The following PLPPR4 variants were observed in gnomAD, a reference collection of about 807,000 sequenced individuals.
PLPPR4 encodes phospholipid phosphatase-related protein type 4.
In PLPPR4, 24 loss-of-function variants were observed where a neutral mutation model predicts 56.6. The observed-to-expected ratio is 0.42, with a 90% CI of 0.31 to 0.60. PLPPR4 has a LOEUF of 0.60. Among genes scored for constraint, PLPPR4 ranks in the 20% least tolerant of loss-of-function variants. PLPPR4 has a pLI of 0.13. For synonymous variants in PLPPR4, 326 were observed against 328.1 expected (o/e 0.99, Z 0.07); for missense variants, 654 against 885.8 (o/e 0.74, Z 3.32).
At chr1:99,282,984 A>T (rs1014510259) in intron 1 of PLPPR4, among the ~76,000 whole-genome samples, 2 of 147,752 alleles carry the variant, frequency 1.4e-5, no homozygotes, top group African/African-American at 4.9e-5. Context: ...TATATAGTTA[A>T]TATATAATAT....
intron 2 of PLPPR4, among the ~76,000 whole-genome samples, chr1:99,296,013 C>T (rs1659732005): frequency 6.6e-6 from 1 of 152,136 alleles, no homozygotes; most frequent in East Asian, 1.9e-4. Context: ...TACTGAGTTC[C>T]TTCATTGATC....
intron 1 of PLPPR4, among the ~76,000 whole-genome samples, chr1:99,265,896 T>C (rs975641176): frequency 6.6e-6 from 1 of 152,154 alleles, no homozygotes; most frequent in African/African-American, 2.4e-5. Flanking sequence ...AATTTCAGTT[T>C]CAAGAAAGAT....
At chr1:99,273,496 G>A (rs712894) in intron 1 of PLPPR4, among the ~76,000 whole-genome samples, 40,621 of 151,914 alleles carry the variant, frequency 0.27, 5,712 homozygotes, top group East Asian at 0.39. Context: ...TTGCTTAGAG[G>A]TAAACTGCCA....
intron 3 of PLPPR4, among the ~76,000 whole-genome samples, chr1:99,298,523 T>C (rs963345400): frequency 6.6e-6 from 1 of 152,160 alleles, no homozygotes; most frequent in African/African-American, 2.4e-5. Flanking sequence ...ATTTCCACGT[T>C]AGGGCCTGTC....
chr1:99,266,912 C>T (rs1393611346), intron 1 of PLPPR4, among the ~76,000 whole-genome samples: 1 of 152,196 alleles, frequency 6.6e-6, no homozygotes, highest in Non-Finnish European at 1.5e-5. Context: ...ATTTACATCT[C>T]CTTCGTAGGA....
chr1:99,280,752 C>A (rs1348782132), intron 1 of PLPPR4, among the ~76,000 whole-genome samples: 2 of 151,986 alleles, frequency 1.3e-5, no homozygotes, highest in Non-Finnish European at 2.9e-5. Context: ...AAATGTGGAA[C>A]CATAATGTGA....
chr1:99,277,339 T>C (rs997709273), intron 1 of PLPPR4, among the ~76,000 whole-genome samples: 1 of 152,204 alleles, frequency 6.6e-6, no homozygotes, highest in Non-Finnish European at 1.5e-5. Flanking sequence ...ACAGTTGCTT[T>C]GGCACCAATT....
At chr1:99,272,317 C>T (rs1245412408) in intron 1 of PLPPR4, among the ~76,000 whole-genome samples, 2 of 151,970 alleles carry the variant, frequency 1.3e-5, no homozygotes, top group East Asian at 1.9e-4. Context: ...AGTATGCCAG[C>T]GTTACCTAAG....
chr1:99,293,793 A>G (rs1659677709), intron 2 of PLPPR4, among the ~76,000 whole-genome samples: 1 of 152,176 alleles, frequency 6.6e-6, no homozygotes, highest in Non-Finnish European at 1.5e-5. Flanking sequence ...GTTTTACAAG[A>G]AAGACTTTTT....
chr1:99,294,782 T>C (rs886551780), intron 2 of PLPPR4, among the ~76,000 whole-genome samples: 1 of 152,172 alleles, frequency 6.6e-6, no homozygotes, highest in African/African-American at 2.4e-5. Flanking sequence ...AAAACACACT[T>C]TTCTATACAG....
intron 2 of PLPPR4, among the ~76,000 whole-genome samples, chr1:99,290,438 T>G (rs1009080302): frequency 6.6e-6 from 1 of 151,728 alleles, no homozygotes; most frequent in Non-Finnish European, 1.5e-5. Context: ...ACTAGAAAAA[T>G]CTATTTCAAA....
rs1242655507 is a variant in PLPPR4 at position 99,307,498 on chromosome 1, C to T, written c.*488C>T. On this transcript the variant is annotated 3_prime_UTR_variant, in exon 7 of 7. Coordinates refer to ENST00000370185, the MANE Select transcript of PLPPR4 (RefSeq NM_014839.5). ...TTATAGTACATATACCATGTAAACT[C>T]TCAAACTCTATTTAGCTGTGAAATA... 1 of 155,460 alleles carries T rather than the reference C, an allele frequency of 6.4e-6. No individual in the cohort carries two copies. The highest frequency in any genetic ancestry group is 1.9e-4 in the East Asian group (1 of 5,236). The allele number at this position is 155,460 out of a possible 1,614,324, so 9.6% of individuals were successfully genotyped here.
At chr1:99,284,970 A>G (rs932635113) in intron 1 of PLPPR4, among the ~76,000 whole-genome samples, 2 of 152,164 alleles carry the variant, frequency 1.3e-5, no homozygotes, top group Non-Finnish European at 2.9e-5. Flanking sequence ...AATATTTCCT[A>G]AAAAGAAGTA....
chr1:99,276,853 C>T (rs1426931086), intron 1 of PLPPR4, among the ~76,000 whole-genome samples: 1 of 152,080 alleles, frequency 6.6e-6, no homozygotes, highest in Non-Finnish European at 1.5e-5. Context: ...GAAGTTAGAA[C>T]AAGCCAAATT....
chr1:99,264,736 C>A, intron 1 of PLPPR4, 65 bp downstream of exon 1: 1 of 1,516,900 alleles, frequency 6.6e-7, no homozygotes, highest in South Asian at 1.2e-5. Context: ...GAATTCAGGT[C>A]CTGGACAGTG....
chr1:99,264,393 G>A, upstream of PLPPR4: 1 of 1,390,572 alleles, frequency 7.2e-7, no homozygotes, highest in East Asian at 2.5e-5. Flanking sequence ...GGACTGGCCC[G>A]CTCAGGGAAT....
chr1:99,301,927 AAAGTTTAAAATGG>A (rs765762599), intron 6 of PLPPR4, 30 bp downstream of exon 6: 5 of 1,499,744 alleles, frequency 3.3e-6, no homozygotes, highest in Non-Finnish European at 4.5e-6. Flanking sequence ...CTTATAAGCC[AAAGTTTAAAATGG>A]AAAACATGCA....
At chr1:99,265,709 T>A (rs1658877164) in intron 1 of PLPPR4, among the ~76,000 whole-genome samples, 1 of 152,198 alleles carries the variant, frequency 6.6e-6, no homozygotes, top group African/African-American at 2.4e-5. Context: ...CAGCCAAATA[T>A]GGAGGTTTAG....
At chr1:99,296,286 A>C (rs1467901521) in intron 2 of PLPPR4, among the ~76,000 whole-genome samples, 1 of 152,204 alleles carries the variant, frequency 6.6e-6, no homozygotes, top group East Asian at 1.9e-4. Flanking sequence ...TCAGCTACTC[A>C]TTTGCAGTAG....
Sources: allele counts gnomAD v4.1 joint callset (sites outside exome capture counted in the v4.1 genomes callset), GRCh38; gene constraint gnomAD v4.1.1; transcripts MANE v1.5; gene names NCBI Gene and HGNC (gene_info 2026-07-23, HGNC 2026-07-21).